Variants in THSD7A observed in about 807,000 individuals in gnomAD.
THSD7A encodes the protein thrombospondin type 1 domain containing 7A.
Under a neutral mutation model 231.3 loss-of-function variants are expected in THSD7A, and 96 were observed. That is an observed-to-expected ratio of 0.41 (90% CI 0.35 to 0.49). THSD7A has a LOEUF of 0.49. THSD7A is among the 20% of genes least tolerant of loss of function. THSD7A has a pLI of 0.05. For synonymous variants in THSD7A, 940 were observed against 743.3 expected, an observed-to-expected ratio of 1.26 and a Z score of -4.30; for missense variants, 2,290 against 2,070.2, an observed-to-expected ratio of 1.11 and a Z score of -2.06.
chr7:11,795,533 T>C (rs1359406448), intron 1 of THSD7A, among the ~76,000 whole-genome samples: 2 of 152,074 alleles, frequency 1.3e-5, no homozygotes, highest in East Asian at 3.9e-4. Flanking sequence ...GTACAATTTG[T>C]AGGTCGCATT....
chr7:11,542,524 G>C (rs1040170808), intron 5 of THSD7A, among the ~76,000 whole-genome samples: 2 of 152,146 alleles, frequency 1.3e-5, no homozygotes, highest in African/African-American at 4.8e-5. Context: ...CTAGGTATGG[G>C]TCAGGCACTG....
At chr7:11,604,461 C>T (rs1282935338) in intron 2 of THSD7A, among the ~76,000 whole-genome samples, 2 of 152,196 alleles carry the variant, frequency 1.3e-5, no homozygotes, top group East Asian at 3.9e-4. Context: ...CTGCCAGGAA[C>T]TATTCTCTAA....
At chr7:11,782,654 T>A (rs1156610492) in intron 1 of THSD7A, among the ~76,000 whole-genome samples, 2 of 152,132 alleles carry the variant, frequency 1.3e-5, no homozygotes, top group Admixed American at 6.6e-5. Context: ...GTTTTAATAT[T>A]ACCTTAAAAG....
At chr7:11,711,737 T>C (rs564275952) in intron 1 of THSD7A, among the ~76,000 whole-genome samples, 2 of 151,260 alleles carry the variant, frequency 1.3e-5, no homozygotes, top group Admixed American at 6.6e-5. Context: ...CACACCTCAG[T>C]TGTACTTCAG....
At chr7:11,803,594 C>T (rs1784331430) in intron 1 of THSD7A, among the ~76,000 whole-genome samples, 2 of 152,070 alleles carry the variant, frequency 1.3e-5, no homozygotes, top group African/African-American at 4.8e-5. Flanking sequence ...CAGATATACT[C>T]ATTTATGGTG....
intron 1 of THSD7A, among the ~76,000 whole-genome samples, chr7:11,754,555 G>A (rs150604577): frequency 6.6e-6 from 1 of 152,196 alleles, no homozygotes; most frequent in African/African-American, 2.4e-5. Context: ...CCCTTGGAAA[G>A]CGCTTTTCTT....
At chr7:11,561,436 C>A (rs1317813398) in intron 4 of THSD7A, among the ~76,000 whole-genome samples, 1 of 152,122 alleles carries the variant, frequency 6.6e-6, no homozygotes, top group Non-Finnish European at 1.5e-5. Context: ...AACTACCTGT[C>A]TAATTAAATT....
At chr7:11,617,741 C>G (rs953333738) in intron 2 of THSD7A, among the ~76,000 whole-genome samples, 7 of 152,236 alleles carry the variant, frequency 4.6e-5, no homozygotes, top group Middle Eastern at 6.8e-3. Context: ...TGGAAACCAT[C>G]ATTCTGAGCA....
intron 1 of THSD7A, among the ~76,000 whole-genome samples, chr7:11,772,975 GA>G: frequency 6.6e-6 from 1 of 152,050 alleles, no homozygotes; most frequent in Non-Finnish European, 1.5e-5. Context: ...AATACTAGAA[GA>G]AAAGAAACTA....
chr7:11,615,651 G>C (rs1321072709), intron 2 of THSD7A, among the ~76,000 whole-genome samples: 1 of 152,066 alleles, frequency 6.6e-6, no homozygotes, highest in African/African-American at 2.4e-5. Context: ...TTTATAAGTG[G>C]TGGTCAGCTT....
At chr7:11,570,151 G>T (rs556678389) in intron 4 of THSD7A, among the ~76,000 whole-genome samples, 1 of 152,062 alleles carries the variant, frequency 6.6e-6, no homozygotes, top group South Asian at 2.1e-4. Flanking sequence ...AGCCTAGGTG[G>T]CAGAGCAAGA....
rs1783767833 is a variant in THSD7A, at chr7:11,411,059, C to G, written c.3798+148G>C. On this transcript the variant is annotated intron_variant, in intron 19 of 27. Transcript: ENST00000423059. The surrounding 1 kb of genome is among the most constrained non-coding windows in gnomAD (Gnocchi z 4.1). Reference sequence around the variant, plus strand: ...GAATCAGTAGTGTTGGACATTGTGTCTTTTCAAGAACATACTTAGCCTGTG... The same window carrying G: ...GAATCAGTAGTGTTGGACATTGTGTGTTTTCAAGAACATACTTAGCCTGTG... 3.4e-6 allele frequency: 2 copies of G among 588,946 alleles called. No individual in the cohort carries two copies. Among genetic ancestry groups the G allele is most frequent in the Non-Finnish European group, 6.0e-6 (2 of 331,282 alleles). The allele number at this position is 588,946 out of a possible 1,614,324, so 36.5% of individuals were successfully genotyped here. A position where few individuals can be genotyped will look rare whatever the true frequency, so the allele number is the denominator to read the frequency against.
chr7:11,626,492 C>T (rs1781476238), intron 2 of THSD7A, among the ~76,000 whole-genome samples: 1 of 152,030 alleles, frequency 6.6e-6, no homozygotes, highest in Admixed American at 6.6e-5. Flanking sequence ...GACATCCTGT[C>T]CATGATGAGA....
chr7:11,568,645 AAAAAAAAAACC>A, intron 4 of THSD7A, among the ~76,000 whole-genome samples: 1 of 142,090 alleles, frequency 7.0e-6, no homozygotes, highest in East Asian at 2.0e-4. Context: ...AAAAAAAAAA[AAAAAAAAAACC>A]AAAATCTGGA....
At chr7:11,407,230 T>C (rs895785994) in intron 20 of THSD7A, 76 bp downstream of exon 20, 7 of 1,436,902 alleles carry the variant, frequency 4.9e-6, no homozygotes, top group Non-Finnish European at 6.7e-6. Context: ...TTATTTGATA[T>C]GGGTTAAAGC....
chr7:11,681,280 C>T (rs1370961654), intron 1 of THSD7A, among the ~76,000 whole-genome samples: 3 of 151,648 alleles, frequency 2.0e-5, no homozygotes, highest in Non-Finnish European at 2.9e-5. Flanking sequence ...CAGCAAACCA[C>T]CATGTACATT....
At chr7:11,460,540 C>T (rs1785466999) in intron 11 of THSD7A, 122 bp downstream of exon 11, 1 of 644,108 alleles carries the variant, frequency 1.6e-6, no homozygotes, top group Non-Finnish European at 2.6e-6. Flanking sequence ...TGGAATGGCT[C>T]ATAGCAGATT....
At chr7:11,425,323 T>G (rs1304360415) in intron 15 of THSD7A, among the ~76,000 whole-genome samples, 1 of 152,154 alleles carries the variant, frequency 6.6e-6, no homozygotes, top group Non-Finnish European at 1.5e-5. Flanking sequence ...CTATAAATAA[T>G]GATGAGAATT....
At chr7:11,799,409 A>G (rs866667680) in intron 1 of THSD7A, among the ~76,000 whole-genome samples, 1 of 152,324 alleles carries the variant, frequency 6.6e-6, no homozygotes, top group East Asian at 1.9e-4. Context: ...ATTTATAATG[A>G]TTTTTAGACT....
Sources: allele counts gnomAD v4.1 joint callset (sites outside exome capture counted in the v4.1 genomes callset), GRCh38; gene constraint gnomAD v4.1.1; non-coding constraint Gnocchi (gnomAD v3.1); transcripts MANE v1.5; gene names NCBI Gene and HGNC (gene_info 2026-07-23, HGNC 2026-07-21).